DDX4: variants seen among roughly 807,000 people sequenced by gnomAD.
The protein encoded by DDX4 is probable ATP-dependent RNA helicase DDX4.
DDX4 carries 25 observed loss-of-function variants against 100.0 expected under a neutral mutation model. The ratio of observed to expected loss-of-function variants is 0.25; its 90% CI spans 0.18 to 0.35. DDX4 has a LOEUF of 0.35. Ranked by LOEUF, DDX4 falls within the 10% of genes least tolerant of loss-of-function variation. The pLI is 1.00. For missense variants in DDX4, 635 were observed against 882.4 expected, an observed-to-expected ratio of 0.72 and a Z score of 3.55; for synonymous variants, 259 against 275.7, an observed-to-expected ratio of 0.94 and a Z score of 0.60.
chr5:55,815,546 G>T, intron 21 of DDX4, 123 bp downstream of exon 21: 1 of 1,292,636 alleles, frequency 7.7e-7, no homozygotes, highest in Non-Finnish European at 1.0e-6. Context: ...CTGGAAGGTA[G>T]CTACTTTATT....
At chr5:55,742,505 A>T (rs1009863818) in intron 2 of DDX4, among the ~76,000 whole-genome samples, 3 of 152,236 alleles carry the variant, frequency 2.0e-5, no homozygotes, top group Non-Finnish European at 4.4e-5. Flanking sequence ...GAAAATAAAC[A>T]TATATATGAT....
At chr5:55,771,989 C>T (rs375757623) in intron 7 of DDX4, among the ~76,000 whole-genome samples, 3 of 152,178 alleles carry the variant, frequency 2.0e-5, no homozygotes, top group South Asian at 4.2e-4. Flanking sequence ...CTTTGGGAGG[C>T]GGGCAGATCA....
chr5:55,780,141 G>A, intron 8 of DDX4, 76 bp downstream of exon 8: 1 of 1,557,592 alleles, frequency 6.4e-7, no homozygotes. Flanking sequence ...ACGTATCAAA[G>A]AAGGTTGTTA....
At chr5:55,806,384 TCTTG>T (rs1208248306) in intron 18 of DDX4, among the ~76,000 whole-genome samples, 14 of 152,322 alleles carry the variant, frequency 9.2e-5, no homozygotes, top group African/African-American at 3.4e-4. Flanking sequence ...ATGTGTTTGC[TCTTG>T]CTTCTCTAGT....
At chr5:55,776,992 A>G (rs7711938) in intron 7 of DDX4, among the ~76,000 whole-genome samples, 123 of 152,308 alleles carry the variant, frequency 8.1e-4, no homozygotes, top group African/African-American at 2.9e-3. Flanking sequence ...GAAAGGAAAA[A>G]TATTTCTTAA....
At chr5:55,815,543 G>A (rs1204083101) in intron 21 of DDX4, 120 bp downstream of exon 21, 19 of 1,306,984 alleles carry the variant, frequency 1.5e-5, no homozygotes, top group Non-Finnish European at 1.9e-5. Context: ...TGCCTGGAAG[G>A]TAGCTACTTT....
At chr5:55,806,955 C>T (rs555032696) in intron 18 of DDX4, among the ~76,000 whole-genome samples, 1 of 152,262 alleles carries the variant, frequency 6.6e-6, no homozygotes, top group African/African-American at 2.4e-5. Flanking sequence ...GTGTGAGAGT[C>T]TAAGTCTCTT....
chr5:55,806,302 GT>G (rs765904198), intron 18 of DDX4, among the ~76,000 whole-genome samples: 9 of 151,864 alleles, frequency 5.9e-5, no homozygotes, highest in East Asian at 1.9e-4. Flanking sequence ...TTTTTGAAGG[GT>G]TTTTTTTGTC....
intron 10 of DDX4, among the ~76,000 whole-genome samples, chr5:55,782,858 T>G (rs1742009697): frequency 6.7e-6 from 1 of 148,630 alleles, no homozygotes; most frequent in African/African-American, 2.5e-5. Flanking sequence ...TGCAGTGGTG[T>G]GATCTCGGCT....
intron 7 of DDX4, among the ~76,000 whole-genome samples, chr5:55,768,569 A>C (rs113088139): frequency 0.069 from 10,460 of 152,226 alleles, 558 homozygotes; most frequent in African/African-American, 0.15. Flanking sequence ...TGCTATTGTG[A>C]ATAGTGCTGT....
intron 4 of DDX4, among the ~76,000 whole-genome samples, chr5:55,762,750 A>G (rs1319972839): frequency 1.3e-5 from 2 of 152,158 alleles, no homozygotes; most frequent in African/African-American, 4.8e-5. Context: ...TAAAAATGGA[A>G]AGGATATGAT....
At chr5:55,750,775 A>G (rs561685591) in intron 3 of DDX4, among the ~76,000 whole-genome samples, 1 of 152,274 alleles carries the variant, frequency 6.6e-6, no homozygotes, top group South Asian at 2.1e-4. Flanking sequence ...GTGTATTTTT[A>G]ACTTAGAATT....
intron 3 of DDX4, among the ~76,000 whole-genome samples, chr5:55,749,407 G>A (rs2111638260): frequency 6.6e-6 from 1 of 152,208 alleles, no homozygotes; most frequent in Non-Finnish European, 1.5e-5. Flanking sequence ...ACTCCAGCAG[G>A]GCTGATGGAG....
intron 12 of DDX4, 97 bp downstream of exon 12, chr5:55,785,591 A>G (rs1742193207): frequency 7.7e-7 from 1 of 1,300,660 alleles, no homozygotes; most frequent in Admixed American, 2.2e-5. Flanking sequence ...TAAAAATTTG[A>G]ACAGTGAAAA....
At chr5:55,804,898 G>A (rs1332685725) in intron 18 of DDX4, among the ~76,000 whole-genome samples, 3 of 151,998 alleles carry the variant, frequency 2.0e-5, no homozygotes, top group South Asian at 4.2e-4. Context: ...CATTGAATCT[G>A]TAAATTACCT....
At chr5:55,762,547 C>A (rs1350736045) in intron 4 of DDX4, among the ~76,000 whole-genome samples, 1 of 151,978 alleles carries the variant, frequency 6.6e-6, no homozygotes, top group Admixed American at 6.6e-5. Flanking sequence ...TACAAAGATA[C>A]AAAATATTAG....
At chr5:55,784,880 A>G (rs529994319) in intron 10 of DDX4, among the ~76,000 whole-genome samples, 122 of 152,306 alleles carry the variant, frequency 8.0e-4, no homozygotes, top group African/African-American at 2.8e-3. Flanking sequence ...GGTTTTGCCT[A>G]TGTGCCTTTT....
intron 2 of DDX4, among the ~76,000 whole-genome samples, chr5:55,741,105 G>A (rs1361031430): frequency 6.6e-6 from 1 of 152,102 alleles, no homozygotes; most frequent in Non-Finnish European, 1.5e-5. Context: ...ATAGCCATCT[G>A]TCCAATTTCT....
intron 7 of DDX4, among the ~76,000 whole-genome samples, chr5:55,779,089 G>T (rs1289752725): frequency 6.6e-6 from 1 of 152,112 alleles, no homozygotes; most frequent in Non-Finnish European, 1.5e-5. Context: ...TAGGGCAAAA[G>T]AAAAACATGG....
Sources: gnomAD v4.1 joint callset for allele counts (sites outside exome capture counted in the v4.1 genomes callset) on GRCh38, gnomAD v4.1.1 for gene constraint, MANE v1.5 for transcripts, NCBI Gene and HGNC (gene_info 2026-07-23, HGNC 2026-07-21) for gene names.